The following ANXA8 variants were observed in gnomAD, a reference collection of about 807,000 sequenced individuals.
ANXA8 encodes the protein VAC-beta.
Under a neutral mutation model 26.8 loss-of-function variants are expected in ANXA8, and 9 were observed. The ratio of observed to expected loss-of-function variants is 0.34; its 90% CI spans 0.20 to 0.59. The LOEUF is 0.59. Ranked by LOEUF, ANXA8 falls within the 20% of genes least tolerant of loss-of-function variation. ANXA8 has a pLI of 0.84. For synonymous variants in ANXA8, 39 were observed against 94.8 expected (o/e 0.41, Z 3.42); for missense variants, 83 against 238.5 (o/e 0.35, Z 4.29).
the ANXA8 span, chr10:47,985,821 A>T: frequency 6.7e-6 from 1 of 149,932 alleles, no homozygotes; most frequent in South Asian, 2.1e-4. Context: ...TCATTTTCAT[A>T]TAAATGGAAT....
chr10:47,489,046 C>G (rs1282415123), upstream of ANXA8, among the ~76,000 whole-genome samples: 124 of 141,788 alleles, frequency 8.7e-4, 7 homozygotes, highest in East Asian at 0.025. Context: ...GAGACCGAGT[C>G]TTGCTCTGTA....
At chr10:47,650,045 T>C in the ANXA8 span, among the ~76,000 whole-genome samples, 5 of 149,626 alleles carry the variant, frequency 3.3e-5, no homozygotes, top group African/African-American at 1.2e-4. Flanking sequence ...CCCTCTCTAC[T>C]ACAAATACAA....
chr10:47,986,126 C>T, the ANXA8 span: 2 of 149,530 alleles, frequency 1.3e-5, no homozygotes, highest in Non-Finnish European at 3.0e-5. Context: ...GATGGACTCG[C>T]TGGATAATAT....
chr10:47,701,362 T>A, the ANXA8 span, among the ~76,000 whole-genome samples: 1 of 151,682 alleles, frequency 6.6e-6, no homozygotes. Flanking sequence ...CAATCCCACT[T>A]CTAGGAATCT....
the ANXA8 span, among the ~76,000 whole-genome samples, chr10:47,733,221 C>CT: frequency 1.7e-5 from 1 of 58,190 alleles, no homozygotes; most frequent in East Asian, 5.5e-4. Context: ...TTCTTTCTTT[C>CT]TCTTTCTTTC....
chr10:47,543,541 C>T, the ANXA8 span: 4 of 375,734 alleles, frequency 1.1e-5, no homozygotes, highest in Admixed American at 1.8e-4. Flanking sequence ...CAAGAGAATA[C>T]CTGGCATGTG....
At chr10:47,919,947 C>T in the ANXA8 span, among the ~76,000 whole-genome samples, 1 of 5,834 alleles carries the variant, frequency 1.7e-4, no homozygotes, top group African/African-American at 2.1e-3. Context: ...ACTGGCCAAG[C>T]CTTGCTGATG....
chr10:47,696,291 C>T, the ANXA8 span: 9 of 406,676 alleles, frequency 2.2e-5, no homozygotes, highest in Non-Finnish European at 3.5e-5. Context: ...CCTATTTGAT[C>T]TCTAGTTGCT....
chr10:47,755,108 C>T, the ANXA8 span, among the ~76,000 whole-genome samples: 2 of 150,720 alleles, frequency 1.3e-5, no homozygotes, highest in African/African-American at 4.9e-5. Flanking sequence ...AGGCGTGCAC[C>T]ACCACGCCTA....
At chr10:47,949,696 G>T in the ANXA8 span, among the ~76,000 whole-genome samples, 1 of 149,892 alleles carries the variant, frequency 6.7e-6, no homozygotes, top group Non-Finnish European at 1.5e-5. Flanking sequence ...TAGTATATTT[G>T]TAATGAGCTA....
the ANXA8 span, among the ~76,000 whole-genome samples, chr10:47,526,505 C>G: frequency 3.8e-5 from 5 of 132,334 alleles, 1 homozygote; most frequent in African/African-American, 1.7e-4. Flanking sequence ...ATAGTCCCAA[C>G]TCTCAATGAG....
At chr10:47,979,437 T>C in the ANXA8 span, among the ~76,000 whole-genome samples, 7 of 151,324 alleles carry the variant, frequency 4.6e-5, no homozygotes, top group African/African-American at 1.7e-4. Flanking sequence ...CCCCCAAAGA[T>C]ATCCATGCCC....
chr10:47,943,673 G>A, the ANXA8 span, among the ~76,000 whole-genome samples: 1 of 151,722 alleles, frequency 6.6e-6, no homozygotes, highest in Non-Finnish European at 1.5e-5. Context: ...TGGGGCATTG[G>A]AAGCAGATTT....
At chr10:47,971,105 T>A in the ANXA8 span, among the ~76,000 whole-genome samples, 3 of 151,350 alleles carry the variant, frequency 2.0e-5, 1 homozygote, top group Non-Finnish European at 3.0e-5. Context: ...CTCTAGAGTC[T>A]ATGGGACCTG....
the ANXA8 span, among the ~76,000 whole-genome samples, chr10:47,682,036 C>A: frequency 6.6e-6 from 1 of 151,004 alleles, no homozygotes. Flanking sequence ...GACCTGGCGG[C>A]CATGATCCTC....
At chr10:47,688,213 C>T in the ANXA8 span, among the ~76,000 whole-genome samples, 85 of 148,146 alleles carry the variant, frequency 5.7e-4, no homozygotes, top group Non-Finnish European at 9.1e-4. Flanking sequence ...CCCACCTCAG[C>T]CTCCCTAGTA....
chr10:47,486,107 T>C (rs1359658554), upstream of ANXA8, among the ~76,000 whole-genome samples: 1 of 137,654 alleles, frequency 7.3e-6, no homozygotes, highest in Admixed American at 7.4e-5. Context: ...AACTCCGTCT[T>C]TAAAAAAAAA....
At chr10:47,968,000 A>G in the ANXA8 span, among the ~76,000 whole-genome samples, 1 of 151,216 alleles carries the variant, frequency 6.6e-6, no homozygotes, top group East Asian at 1.9e-4. Context: ...TAAAACCCTT[A>G]GCTGGAATGC....
chr10:47,945,177 C>T, the ANXA8 span, among the ~76,000 whole-genome samples: 1 of 149,948 alleles, frequency 6.7e-6, no homozygotes, highest in African/African-American at 2.5e-5. Context: ...CTCACTTGTG[C>T]TTCCACTGCC....
Sources: allele counts gnomAD v4.1 joint callset (sites outside exome capture counted in the v4.1 genomes callset), GRCh38; gene constraint gnomAD v4.1.1; transcripts MANE v1.5; gene names NCBI Gene and HGNC (gene_info 2026-07-23, HGNC 2026-07-21).